The following SLC9A9 variants were observed in gnomAD, a reference collection of about 807,000 sequenced individuals.
The protein encoded by SLC9A9 is solute carrier family 9 member A9, also known as sodium/hydrogen exchanger 9.
Under a neutral mutation model 77.8 loss-of-function variants are expected in SLC9A9, and 62 were observed. The observed-to-expected ratio is 0.80, with a 90% CI of 0.65 to 0.98. The LOEUF (loss-of-function observed/expected upper bound fraction) is 0.98. Ranked by LOEUF, SLC9A9 falls within the 50% of genes least tolerant of loss-of-function variation. The probability of loss-of-function intolerance (pLI) is 0.00; values close to 1 mark genes in which losing one functional copy is unlikely to be tolerated. For missense variants in SLC9A9, 775 were observed against 774.9 expected (o/e 1.00, Z 0.00); for synonymous variants, 320 against 283.5 (o/e 1.13, Z -1.29).
At chr3:143,549,385 T>C (rs2036843070) in intron 9 of SLC9A9, among the ~76,000 whole-genome samples, 1 of 152,078 alleles carries the variant, frequency 6.6e-6, no homozygotes, top group Non-Finnish European at 1.5e-5. Flanking sequence ...GCTGTGTATG[T>C]ACATATTATA....
intron 12 of SLC9A9, among the ~76,000 whole-genome samples, chr3:143,452,096 A>G (rs1455986379): frequency 6.6e-6 from 1 of 152,134 alleles, no homozygotes; most frequent in African/African-American, 2.4e-5. Context: ...TTATTGATGG[A>G]TGCTAAAAAC....
At chr3:143,789,702 G>C (rs1411855600) in intron 4 of SLC9A9, among the ~76,000 whole-genome samples, 1 of 151,966 alleles carries the variant, frequency 6.6e-6, no homozygotes, top group Non-Finnish European at 1.5e-5. Flanking sequence ...AGGTCTCAAG[G>C]TCCCCAGTTG....
chr3:143,443,468 C>T (rs561093246), intron 12 of SLC9A9, among the ~76,000 whole-genome samples: 2 of 152,156 alleles, frequency 1.3e-5, no homozygotes, highest in South Asian at 4.1e-4. Flanking sequence ...CCCTGAGGTG[C>T]TTCTGTGAAG....
intron 12 of SLC9A9, among the ~76,000 whole-genome samples, chr3:143,419,560 C>T (rs910664707): frequency 1.2e-4 from 18 of 152,170 alleles, no homozygotes; most frequent in South Asian, 2.1e-4. Flanking sequence ...CTCTTCCCCA[C>T]GTCACTAAGG....
At chr3:143,639,138 T>G (rs1441730627) in intron 6 of SLC9A9, among the ~76,000 whole-genome samples, 1 of 152,240 alleles carries the variant, frequency 6.6e-6, no homozygotes, top group Non-Finnish European at 1.5e-5. Flanking sequence ...CCAAAACTAT[T>G]TATAGAGTTT....
At chr3:143,334,819 G>T (rs777131108) in intron 14 of SLC9A9, among the ~76,000 whole-genome samples, 4 of 152,106 alleles carry the variant, frequency 2.6e-5, no homozygotes, top group African/African-American at 4.8e-5. Flanking sequence ...TATGCCTAAT[G>T]AGAAGACTAT....
At chr3:143,695,997 G>GTT (rs1933629598) in intron 4 of SLC9A9, among the ~76,000 whole-genome samples, 1 of 123,312 alleles carries the variant, frequency 8.1e-6, no homozygotes, top group African/African-American at 2.9e-5. Flanking sequence ...TATTTGATGG[G>GTT]GTTATTTCTT....
At chr3:143,514,941 T>C (rs112433838) in intron 9 of SLC9A9, among the ~76,000 whole-genome samples, 2 of 152,242 alleles carry the variant, frequency 1.3e-5, no homozygotes, top group East Asian at 3.8e-4. Context: ...TTGGCTGTTT[T>C]GTGCAAGAGA....
chr3:143,719,407 T>C (rs1196361008), intron 4 of SLC9A9, among the ~76,000 whole-genome samples: 1 of 152,150 alleles, frequency 6.6e-6, no homozygotes, highest in Non-Finnish European at 1.5e-5. Flanking sequence ...CCTGTGTCTT[T>C]AATAAAAATC....
At chr3:143,676,386 A>G (rs1181182089) in intron 5 of SLC9A9, among the ~76,000 whole-genome samples, 1 of 152,210 alleles carries the variant, frequency 6.6e-6, no homozygotes, top group African/African-American at 2.4e-5. Context: ...TGAGAAACAA[A>G]GCAAAAACAA....
chr3:143,636,390 T>C (rs1229385391), intron 6 of SLC9A9, among the ~76,000 whole-genome samples: 1 of 152,224 alleles, frequency 6.6e-6, no homozygotes, highest in Admixed American at 6.5e-5. Context: ...ATTTTGCCAT[T>C]TAAGTCTCTT....
At chr3:143,488,287 G>A (rs1017028431) in intron 11 of SLC9A9, among the ~76,000 whole-genome samples, 5 of 151,810 alleles carry the variant, frequency 3.3e-5, no homozygotes, top group African/African-American at 9.7e-5. Flanking sequence ...GAAAAGCTCC[G>A]GACTTCATGG....
At chr3:143,400,769 C>A (rs1204231576) in intron 12 of SLC9A9, among the ~76,000 whole-genome samples, 1 of 150,008 alleles carries the variant, frequency 6.7e-6, no homozygotes, top group Non-Finnish European at 1.5e-5. Flanking sequence ...AATTCTGTGT[C>A]AAGCAACTTT....
chr3:143,382,963 G>A (rs937694393), intron 12 of SLC9A9, among the ~76,000 whole-genome samples: 5 of 152,164 alleles, frequency 3.3e-5, no homozygotes, highest in South Asian at 2.1e-4. Context: ...ACACAGACAC[G>A]CTTGCTATGT....
At position 143,339,268 on chromosome 3, in the gene SLC9A9, G is replaced by A. The variant is rs1463815185; in HGVS notation, c.1604+24216C>T. Among the ~76,000 whole-genome samples, 6 of 152,226 alleles carry A rather than the reference G, an allele frequency of 3.9e-5. No homozygotes were observed. In the East Asian group the frequency reaches 1.2e-3, roughly 29 times the overall value. The stretch of plus-strand genomic sequence containing the variant: ...CTCCTGGTGTGGAGGTTCATCGCAT[G>A]GCCCCTTGGACAGGGCCCCTGAGCC... On this transcript the variant is annotated intron_variant, in intron 14 of 15. Transcript: ENST00000316549.
At chr3:143,278,678 C>CT (rs1481326762) in intron 14 of SLC9A9, among the ~76,000 whole-genome samples, 2 of 150,520 alleles carry the variant, frequency 1.3e-5, no homozygotes, top group Non-Finnish European at 3.0e-5. Context: ...GCTTAGGGGC[C>CT]CGCCCTGTTC....
chr3:143,608,648 A>G (rs1576607757), intron 6 of SLC9A9, among the ~76,000 whole-genome samples: 1 of 152,212 alleles, frequency 6.6e-6, no homozygotes, highest in Admixed American at 6.5e-5. Context: ...ATTGAAACAT[A>G]TAAGTACAGT....
intron 4 of SLC9A9, among the ~76,000 whole-genome samples, chr3:143,787,893 G>A (rs970866238): frequency 2.6e-5 from 4 of 151,378 alleles, no homozygotes; most frequent in Admixed American, 6.6e-5. Context: ...ATATATTGGA[G>A]TAAATTTATA....
chr3:143,395,664 C>T (rs984240446), intron 12 of SLC9A9, among the ~76,000 whole-genome samples: 2 of 152,126 alleles, frequency 1.3e-5, no homozygotes, highest in African/African-American at 2.4e-5. Context: ...AACAGGCAAC[C>T]TACAGAATGG....
Sources: allele counts gnomAD v4.1 joint callset (sites outside exome capture counted in the v4.1 genomes callset), GRCh38; gene constraint gnomAD v4.1.1; transcripts MANE v1.5; gene names NCBI Gene and HGNC (gene_info 2026-07-23, HGNC 2026-07-21).